The following AGBL1 variants were observed in gnomAD, a reference collection of about 807,000 sequenced individuals.
AGBL1 encodes the protein cytosolic carboxypeptidase 4.
Under a neutral mutation model 118.9 loss-of-function variants are expected in AGBL1, and 130 were observed. The observed-to-expected ratio is 1.09, with a 90% CI of 0.95 to 1.26. The LOEUF is 1.26. Among genes scored for constraint, AGBL1 ranks in the 50% most tolerant of loss-of-function variants. The pLI is 0.00. For missense variants in AGBL1, 1,584 were observed against 1,298.1 expected (o/e 1.22, Z -3.38); for synonymous variants, 555 against 478.9 (o/e 1.16, Z -2.08).
At chr15:86,939,291 TAGAA>T (rs1168398646) in intron 23 of AGBL1, among the ~76,000 whole-genome samples, 2 of 152,206 alleles carry the variant, frequency 1.3e-5, no homozygotes, top group Admixed American at 6.5e-5. Context: ...CAGAAGAAGA[TAGAA>T]AGAGCAGACT....
chr15:86,684,012 T>A (rs1433495453), intron 22 of AGBL1, among the ~76,000 whole-genome samples: 1 of 152,178 alleles, frequency 6.6e-6, no homozygotes, highest in Non-Finnish European at 1.5e-5. Flanking sequence ...AAAGCCATTT[T>A]ACTGGTGAGA....
intron 1 of AGBL1, among the ~76,000 whole-genome samples, chr15:86,084,792 C>A (rs1421899760): frequency 6.6e-6 from 1 of 151,804 alleles, no homozygotes; most frequent in Non-Finnish European, 1.5e-5. Context: ...TTTTCAATAT[C>A]CATCTATCCA....
intron 22 of AGBL1, among the ~76,000 whole-genome samples, chr15:86,737,460 C>A (rs1191311904): frequency 6.6e-6 from 1 of 152,142 alleles, no homozygotes; most frequent in Non-Finnish European, 1.5e-5. Flanking sequence ...TTTAAATCAC[C>A]ATTTCACAGA....
rs553950577 is a variant in AGBL1, at chr15:86,948,150, C to T, written c.3222-39837C>T. Reference sequence around the variant, plus strand: ...AGCATGTGCAGTGACACTGAGGCTCCCTGACTTGGGGGGAGGAGGTGGATT... The same window carrying T: ...AGCATGTGCAGTGACACTGAGGCTCTCTGACTTGGGGGGAGGAGGTGGATT... On this transcript the variant is annotated intron_variant, in intron 23 of 24. Transcript: ENST00000441037. Among the ~76,000 whole-genome samples the T allele has an allele frequency of 5.3e-5, 8 of 152,172 alleles. No homozygotes were observed. In the East Asian group the frequency reaches 5.8e-4, roughly 11 times the overall value.
At chr15:86,419,867 G>A (rs952569746) in intron 18 of AGBL1, among the ~76,000 whole-genome samples, 2 of 152,182 alleles carry the variant, frequency 1.3e-5, no homozygotes, top group African/African-American at 4.8e-5. Flanking sequence ...ACTGGGCAGA[G>A]CCCCCTATAG....
At chr15:86,734,894 GAGGGAACAATA>G (rs1567146969) in intron 22 of AGBL1, among the ~76,000 whole-genome samples, 2 of 152,086 alleles carry the variant, frequency 1.3e-5, no homozygotes, top group African/African-American at 4.8e-5. Flanking sequence ...GTAGAATTGT[GAGGGAACAATA>G]AGGGAACAGG....
chr15:86,498,519 G>C (rs1008505259), intron 18 of AGBL1, among the ~76,000 whole-genome samples: 1 of 151,896 alleles, frequency 6.6e-6, no homozygotes, highest in Non-Finnish European at 1.5e-5. Context: ...TCCCAGATTT[G>C]TCACATGATT....
At chr15:86,208,648 G>T (rs539527920) in intron 5 of AGBL1, among the ~76,000 whole-genome samples, 2 of 152,262 alleles carry the variant, frequency 1.3e-5, no homozygotes, top group East Asian at 3.9e-4. Flanking sequence ...TTGTATTTCT[G>T]TGGGATTGGT....
At chr15:87,007,156 G>T (rs755029467) in intron 24 of AGBL1, among the ~76,000 whole-genome samples, 1 of 152,098 alleles carries the variant, frequency 6.6e-6, no homozygotes, top group Non-Finnish European at 1.5e-5. Flanking sequence ...AAGAAAAATT[G>T]TTTGGTATTC....
intron 22 of AGBL1, among the ~76,000 whole-genome samples, chr15:86,813,787 A>G (rs1293309117): frequency 6.6e-6 from 1 of 152,248 alleles, no homozygotes; most frequent in African/African-American, 2.4e-5. Context: ...ATAGCATTCA[A>G]GAATGAGCTC....
intron 22 of AGBL1, among the ~76,000 whole-genome samples, chr15:86,764,728 A>C (rs1280507364): frequency 1.3e-5 from 2 of 152,056 alleles, no homozygotes; most frequent in African/African-American, 4.8e-5. Context: ...TCAGATGCTA[A>C]AGTTATTAGG....
At chr15:86,439,989 T>C (rs1449542732) in intron 18 of AGBL1, among the ~76,000 whole-genome samples, 4 of 150,852 alleles carry the variant, frequency 2.7e-5, no homozygotes, top group Non-Finnish European at 5.9e-5. Flanking sequence ...TTTTTAGCCA[T>C]AATTTTTTCC....
intron 17 of AGBL1, among the ~76,000 whole-genome samples, chr15:86,374,738 T>A (rs2081015569): frequency 6.6e-6 from 1 of 152,230 alleles, no homozygotes; most frequent in Non-Finnish European, 1.5e-5. Flanking sequence ...ACTATTTCTT[T>A]GGAAATGTAG....
chr15:86,741,174 G>A (rs1299175643), intron 22 of AGBL1, among the ~76,000 whole-genome samples: 1 of 151,824 alleles, frequency 6.6e-6, no homozygotes, highest in East Asian at 1.9e-4. Context: ...CTATGCCCAA[G>A]GGTAGGGTCA....
intron 7 of AGBL1, among the ~76,000 whole-genome samples, chr15:86,252,767 C>A (rs74616635): frequency 0.19 from 29,612 of 152,142 alleles, 3,318 homozygotes; most frequent in Non-Finnish European, 0.25. Flanking sequence ...CTGTGGAGAG[C>A]GAGTGGGACA....
chr15:86,531,980 T>G (rs1175328162), intron 19 of AGBL1, among the ~76,000 whole-genome samples: 4 of 151,762 alleles, frequency 2.6e-5, no homozygotes, highest in South Asian at 4.2e-4. Context: ...AAGAGCTATC[T>G]ATGACAAACC....
intron 18 of AGBL1, among the ~76,000 whole-genome samples, chr15:86,422,467 T>C (rs1057442629): frequency 6.6e-5 from 10 of 152,198 alleles, no homozygotes; most frequent in African/African-American, 2.2e-4. Flanking sequence ...GGGAAATTTA[T>C]AGCACTAAAT....
chr15:86,769,616 C>T (rs1382163352), intron 22 of AGBL1, among the ~76,000 whole-genome samples: 1 of 151,946 alleles, frequency 6.6e-6, no homozygotes, highest in African/African-American at 2.4e-5. Flanking sequence ...AGAGCTTAGA[C>T]CCAAGGTATC....
chr15:86,510,565 A>G (rs1307251246), intron 18 of AGBL1, among the ~76,000 whole-genome samples: 2 of 152,084 alleles, frequency 1.3e-5, no homozygotes, highest in Admixed American at 6.6e-5. Flanking sequence ...TAGAAGTTCT[A>G]TTGCAAGTTT....
Sources: allele counts gnomAD v4.1 joint callset (sites outside exome capture counted in the v4.1 genomes callset), GRCh38; gene constraint gnomAD v4.1.1; transcripts MANE v1.5; gene names NCBI Gene and HGNC (gene_info 2026-07-23, HGNC 2026-07-21).